LRFN5: variants seen among roughly 807,000 people sequenced by gnomAD.
LRFN5 encodes the protein leucine-rich repeat and fibronectin type-III domain-containing protein 5.
LRFN5 carries 24 observed loss-of-function variants against 45.6 expected under a neutral mutation model. That is an observed-to-expected ratio of 0.53 (90% CI 0.38 to 0.74). LRFN5 has a LOEUF of 0.74. Ranked by LOEUF, LRFN5 falls within the 30% of genes least tolerant of loss-of-function variation. LRFN5 has a pLI of 0.00. For synonymous variants in LRFN5, 340 were observed against 313.8 expected (o/e 1.08, Z -0.88); for missense variants, 776 against 861.5 (o/e 0.90, Z 1.24).
chr14:41,739,230 C>G (rs1884580623), intron 1 of LRFN5, among the ~76,000 whole-genome samples: 1 of 151,986 alleles, frequency 6.6e-6, no homozygotes, highest in African/African-American at 2.4e-5. Flanking sequence ...CACAAAAATA[C>G]AAAAATAAGC....
chr14:41,763,990 T>A (rs10132845), intron 1 of LRFN5, among the ~76,000 whole-genome samples: 15,948 of 152,126 alleles, frequency 0.1, 1,436 homozygotes, highest in East Asian at 0.51. Context: ...TTGACCATAA[T>A]TTTTTATAGG....
intron 1 of LRFN5, among the ~76,000 whole-genome samples, chr14:41,622,746 TAGAG>T (rs916159626): frequency 6.6e-6 from 1 of 152,110 alleles, no homozygotes; most frequent in Non-Finnish European, 1.5e-5. Context: ...TTCTTTTTGT[TAGAG>T]AGAGATCACA....
intron 2 of LRFN5, among the ~76,000 whole-genome samples, chr14:41,811,931 T>G (rs2021119): frequency 1.3e-5 from 2 of 151,782 alleles, no homozygotes; most frequent in Non-Finnish European, 2.9e-5. Context: ...TGGTTATTGA[T>G]TTATATTTCA....
chr14:41,626,068 G>A (rs1308635013), intron 1 of LRFN5, among the ~76,000 whole-genome samples: 1 of 152,022 alleles, frequency 6.6e-6, no homozygotes, highest in Non-Finnish European at 1.5e-5. Flanking sequence ...GTACTTTCTA[G>A]GGTGGGAGGT....
At chr14:41,888,080 A>AT (rs1280111106) in intron 3 of LRFN5, 70 bp downstream of exon 3, 34 of 1,187,382 alleles carry the variant, frequency 2.9e-5, no homozygotes, top group South Asian at 6.1e-5. Flanking sequence ...TGTACTACTG[A>AT]TTTTTTTTAA....
intron 2 of LRFN5, among the ~76,000 whole-genome samples, chr14:41,852,276 T>C (rs979880860): frequency 2.0e-5 from 3 of 151,882 alleles, no homozygotes; most frequent in Non-Finnish European, 2.9e-5. Flanking sequence ...CTATACTTCT[T>C]TTTTTGCATT....
chr14:41,726,543 A>G (rs1387127928), intron 1 of LRFN5, among the ~76,000 whole-genome samples: 3 of 152,262 alleles, frequency 2.0e-5, no homozygotes, highest in African/African-American at 7.2e-5. Context: ...CTGAAGACCA[A>G]TGTGCCTCTG....
intron 1 of LRFN5, among the ~76,000 whole-genome samples, chr14:41,671,424 C>G (rs1233232972): frequency 1.3e-5 from 2 of 151,990 alleles, no homozygotes; most frequent in East Asian, 3.9e-4. Flanking sequence ...AGCTTGTCAT[C>G]TTTATTTGTT....
At chr14:41,615,472 C>T (rs1190969934) in intron 1 of LRFN5, among the ~76,000 whole-genome samples, 4 of 152,170 alleles carry the variant, frequency 2.6e-5, no homozygotes, top group South Asian at 4.1e-4. Flanking sequence ...TTCTGTATAT[C>T]GTGATTTCAA....
chr14:41,774,468 G>A (rs1353561979), intron 2 of LRFN5, among the ~76,000 whole-genome samples: 1 of 152,024 alleles, frequency 6.6e-6, no homozygotes. Flanking sequence ...GATTTATTAT[G>A]GGAAGAAATT....
intron 1 of LRFN5, among the ~76,000 whole-genome samples, chr14:41,626,399 C>T (rs1270215249): frequency 6.6e-6 from 1 of 152,036 alleles, no homozygotes; most frequent in East Asian, 1.9e-4. Context: ...ATACAACAGA[C>T]TGTATGCCTG....
At position 41,873,419 on chromosome 14, in the gene LRFN5, CAGAGAG is replaced by C. The variant is rs10558865; in HGVS notation, c.-20-13163_-20-13158del. ...GAGAGAGGAGAAAGAGAGAGAGAGA[CAGAGAG>C]AGAGAGAGAGAGAGAGAGAGAGAAG... On this transcript the variant is annotated intron_variant, in intron 2 of 5. Coordinates refer to ENST00000298119, the MANE Select transcript of LRFN5 (RefSeq NM_152447.5). 1.9e-3 allele frequency among the ~76,000 whole-genome samples: 273 copies of C among 146,090 alleles called. 2 individuals are homozygous for C. Among genetic ancestry groups the C allele is most frequent in the Admixed American group, 2.2e-3 (32 of 14,782 alleles).
intron 2 of LRFN5, among the ~76,000 whole-genome samples, chr14:41,857,369 A>G (rs1957861): frequency 0.79 from 120,563 of 152,090 alleles, 48,821 homozygotes; most frequent in Non-Finnish European, 0.88. Context: ...AGAGACAGAT[A>G]CCATTCATTT....
At chr14:41,609,578 GA>G (rs1316342197) in intron 1 of LRFN5, among the ~76,000 whole-genome samples, 1 of 151,968 alleles carries the variant, frequency 6.6e-6, no homozygotes, top group African/African-American at 2.4e-5. Flanking sequence ...GCCCCCATCG[GA>G]AAATTTCACT....
chr14:41,728,969 G>T (rs1042452577), intron 1 of LRFN5, among the ~76,000 whole-genome samples: 2 of 151,780 alleles, frequency 1.3e-5, no homozygotes, highest in African/African-American at 4.8e-5. Flanking sequence ...CTCACTACAT[G>T]AACTATTTAT....
rs116667574 is a variant in LRFN5 at position 41,611,185 on chromosome 14, T to A, written c.-197+2623T>A. 2.6e-3 allele frequency among the ~76,000 whole-genome samples: 392 copies of A among 152,284 alleles called. 2 individuals are homozygous for A. Among genetic ancestry groups the A allele is most frequent in the African/African-American group, 9.0e-3 (376 of 41,558 alleles). ...TGCTCAGAAACCTGAACATAGATGA[T>A]GGTGTGATGCATGTTTGAAAATGTC... On this transcript the variant is annotated intron_variant, in intron 1 of 5. Transcript: ENST00000298119.
intron 1 of LRFN5, among the ~76,000 whole-genome samples, chr14:41,683,998 T>G (rs1882014419): frequency 6.6e-6 from 1 of 152,154 alleles, no homozygotes; most frequent in African/African-American, 2.4e-5. Context: ...AAAGCTGTCA[T>G]GAACAGAAAG....
At chr14:41,654,146 A>G (rs1880264245) in intron 1 of LRFN5, among the ~76,000 whole-genome samples, 1 of 152,060 alleles carries the variant, frequency 6.6e-6, no homozygotes, top group South Asian at 2.1e-4. Context: ...ATGTATACAT[A>G]TGTAACACAC....
At chr14:41,716,079 C>G (rs1020724614) in intron 1 of LRFN5, among the ~76,000 whole-genome samples, 1 of 152,150 alleles carries the variant, frequency 6.6e-6, no homozygotes, top group African/African-American at 2.4e-5. Flanking sequence ...GGTCTAAGCT[C>G]TACCACAACT....
Sources: allele counts gnomAD v4.1 joint callset (sites outside exome capture counted in the v4.1 genomes callset), GRCh38; gene constraint gnomAD v4.1.1; transcripts MANE v1.5; gene names NCBI Gene and HGNC (gene_info 2026-07-23, HGNC 2026-07-21).